Variants in ADAMTSL1 observed in about 807,000 individuals in gnomAD.
ADAMTSL1 encodes ADAMTS like 1, also known as ADAMTS-like protein 1.
ADAMTSL1 carries 126 observed loss-of-function variants against 201.8 expected under a neutral mutation model. That is an observed-to-expected ratio of 0.62 (90% CI 0.54 to 0.72). The LOEUF (loss-of-function observed/expected upper bound fraction) is 0.72, where lower values mean the gene tolerates loss of function less well. Ranked by LOEUF, ADAMTSL1 falls within the 30% of genes least tolerant of loss-of-function variation. The pLI is 0.00. For missense variants in ADAMTSL1, 2,679 were observed against 2,277.8 expected (o/e 1.18, Z -3.59); for synonymous variants, 1,121 against 903.4 (o/e 1.24, Z -4.32).
chr9:17,934,774 T>A (rs182814359), intron 1 of ADAMTSL1, among the ~76,000 whole-genome samples: 3 of 152,172 alleles, frequency 2.0e-5, no homozygotes, highest in Non-Finnish European at 2.9e-5. Flanking sequence ...CCAGTTGTGA[T>A]GGATAAACTA....
chr9:18,519,182 T>A (rs16936819), intron 2 of ADAMTSL1, among the ~76,000 whole-genome samples: 5,564 of 152,320 alleles, frequency 0.037, 295 homozygotes, highest in African/African-American at 0.11. Flanking sequence ...TCTGGCTGTG[T>A]TATCGTTATT....
At chr9:18,473,939 T>C, upstream of ADAMTSL1, 1 of 391,760 alleles carries the variant, frequency 2.6e-6, no homozygotes, top group Non-Finnish European at 4.5e-6. Context: ...TTTTCGTCCT[T>C]TTCCCCCTTT....
intron 23 of ADAMTSL1, among the ~76,000 whole-genome samples, chr9:18,884,388 G>A (rs552009005): frequency 6.6e-6 from 1 of 152,196 alleles, no homozygotes; most frequent in South Asian, 2.1e-4. Context: ...TCACTTGATG[G>A]TGTCTTATGA....
chr9:18,096,431 G>A (rs1267240550), intron 1 of ADAMTSL1, among the ~76,000 whole-genome samples: 1 of 152,176 alleles, frequency 6.6e-6, no homozygotes, highest in Non-Finnish European at 1.5e-5. Flanking sequence ...AATGTTCTGT[G>A]ACTGTGCTGT....
At chr9:18,033,252 G>A (rs766230912) in intron 1 of ADAMTSL1, among the ~76,000 whole-genome samples, 2 of 152,018 alleles carry the variant, frequency 1.3e-5, no homozygotes, top group Non-Finnish European at 2.9e-5. Context: ...TGACTAAAAT[G>A]TTCTTATTCC....
chr9:18,337,979 C>T (rs1835311954), intron 2 of ADAMTSL1, among the ~76,000 whole-genome samples: 1 of 152,008 alleles, frequency 6.6e-6, no homozygotes, highest in Non-Finnish European at 1.5e-5. Context: ...GGCTTGGTTA[C>T]AGGAGTGGGG....
intron 2 of ADAMTSL1, among the ~76,000 whole-genome samples, chr9:18,180,245 A>C (rs1487132850): frequency 6.6e-6 from 1 of 152,140 alleles, no homozygotes; most frequent in Non-Finnish European, 1.5e-5. Flanking sequence ...GATAAAACAG[A>C]CTTTAAGGCC....
intron 1 of ADAMTSL1, among the ~76,000 whole-genome samples, chr9:18,042,095 G>GAAAAAA (rs76542418): frequency 8.0e-6 from 1 of 124,466 alleles, no homozygotes; most frequent in Non-Finnish European, 1.8e-5. Flanking sequence ...TAATTGCTGG[G>GAAAAAA]AAAAAAAAAA....
intron 2 of ADAMTSL1, among the ~76,000 whole-genome samples, chr9:18,254,422 G>A (rs1410043883): frequency 1.9e-4 from 25 of 128,750 alleles, no homozygotes; most frequent in Non-Finnish European, 2.2e-4. Context: ...GAGTACAGTG[G>A]CGCGATCTCA....
intron 3 of ADAMTSL1, among the ~76,000 whole-genome samples, chr9:18,571,259 G>T (rs1038822341): frequency 6.6e-6 from 1 of 152,098 alleles, no homozygotes; most frequent in African/African-American, 2.4e-5. Flanking sequence ...CATATTAAGA[G>T]GTCTCTTAAT....
At chr9:18,330,582 A>T (rs971440683) in intron 2 of ADAMTSL1, among the ~76,000 whole-genome samples, 4 of 152,194 alleles carry the variant, frequency 2.6e-5, no homozygotes, top group Non-Finnish European at 4.4e-5. Flanking sequence ...AGTGTGTGCC[A>T]GGTGTTTTAT....
At chr9:18,774,890 G>T (rs566870929) in intron 17 of ADAMTSL1, among the ~76,000 whole-genome samples, 2 of 152,224 alleles carry the variant, frequency 1.3e-5, no homozygotes, top group East Asian at 3.9e-4. Flanking sequence ...TCTCTCTTGG[G>T]TAGATACCCA....
chr9:18,197,079 C>T (rs1829212634), intron 2 of ADAMTSL1, among the ~76,000 whole-genome samples: 1 of 152,066 alleles, frequency 6.6e-6, no homozygotes, highest in Non-Finnish European at 1.5e-5. Context: ...TTTTCTTCTA[C>T]CAGTGAAAGC....
intron 1 of ADAMTSL1, among the ~76,000 whole-genome samples, chr9:18,074,426 T>A (rs950174918): frequency 4.6e-5 from 7 of 152,270 alleles, no homozygotes; most frequent in African/African-American, 1.7e-4. Context: ...TCATTCCACT[T>A]TGGCCCTTTT....
chr9:18,232,395 A>C (rs1171757129), intron 2 of ADAMTSL1, among the ~76,000 whole-genome samples: 1 of 152,108 alleles, frequency 6.6e-6, no homozygotes, highest in Admixed American at 6.5e-5. Context: ...ATAACTTCCC[A>C]TCCTGGCCTG....
chr9:18,676,536 A>T (rs761866946), intron 10 of ADAMTSL1, among the ~76,000 whole-genome samples: 3 of 152,124 alleles, frequency 2.0e-5, no homozygotes, highest in African/African-American at 7.2e-5. Context: ...TAACTCAGGA[A>T]CTTTTAAAAG....
intron 1 of ADAMTSL1, among the ~76,000 whole-genome samples, chr9:18,030,019 C>T (rs921535136): frequency 3.0e-4 from 45 of 152,150 alleles, no homozygotes; most frequent in Non-Finnish European, 1.0e-4. Flanking sequence ...ACTAGAAATA[C>T]CATTTGACCC....
intron 2 of ADAMTSL1, among the ~76,000 whole-genome samples, chr9:18,406,199 T>A (rs905064943): frequency 6.6e-6 from 1 of 152,178 alleles, no homozygotes; most frequent in African/African-American, 2.4e-5. Flanking sequence ...AGGAGAGAAA[T>A]CACAGGGCCT....
At chr9:18,228,806 G>GA (rs1472266340) in intron 2 of ADAMTSL1, among the ~76,000 whole-genome samples, 1 of 151,626 alleles carries the variant, frequency 6.6e-6, no homozygotes, top group Non-Finnish European at 1.5e-5. Context: ...TTATTTTACA[G>GA]ATGAGAATGC....
Sources: allele counts gnomAD v4.1 joint callset (sites outside exome capture counted in the v4.1 genomes callset), GRCh38; gene constraint gnomAD v4.1.1; transcripts MANE v1.5; gene names NCBI Gene and HGNC (gene_info 2026-07-23, HGNC 2026-07-21).